ZNF346: variants seen among roughly 807,000 people sequenced by gnomAD.
ZNF346 encodes the protein double-stranded RNA-binding zinc finger protein JAZ.
In ZNF346, 23 loss-of-function variants were observed where a neutral mutation model predicts 33.7. The ratio of observed to expected loss-of-function variants is 0.68; its 90% CI spans 0.49 to 0.97. ZNF346 has a LOEUF of 0.97. Ranked by LOEUF, ZNF346 falls within the 50% of genes least tolerant of loss-of-function variation. The probability of loss-of-function intolerance (pLI) is 0.00; values close to 1 mark genes in which losing one functional copy is unlikely to be tolerated. For synonymous variants in ZNF346, 134 were observed against 142.4 expected, an observed-to-expected ratio of 0.94 and a Z score of 0.42; for missense variants, 340 against 371.1, an observed-to-expected ratio of 0.92 and a Z score of 0.69.
At chr5:177,044,111 T>TG (rs1287099816) in intron 3 of ZNF346, among the ~76,000 whole-genome samples, 5 of 152,024 alleles carry the variant, frequency 3.3e-5, no homozygotes, top group African/African-American at 1.2e-4. Context: ...AATTGGGTCT[T>TG]GAAGGCTAAG....
chr5:177,031,206 G>A (rs1777644062), intron 1 of ZNF346, among the ~76,000 whole-genome samples: 1 of 152,022 alleles, frequency 6.6e-6, no homozygotes. Context: ...AGCTAATTTT[G>A]TATTTTTAGT....
In ZNF346 at chr5:177,042,612, A is replaced by G. The variant is rs1779483177; in HGVS notation, c.372+742A>G. Among the ~76,000 whole-genome samples, 5 of 152,184 alleles carry G rather than the reference A, an allele frequency of 3.3e-5. No homozygotes were observed. The South Asian group carries it at 8.3e-4, about 25-fold the overall frequency. ...TTTACTCTATAGACTGCTACCTCCT[A>G]TTATAGTAGCCACAGGTCAGGAAGG... On this transcript the variant is annotated intron_variant, in intron 3 of 6. Transcript: ENST00000358149.
chr5:177,070,063 CACT>C (rs1305132312), downstream of ZNF346, among the ~76,000 whole-genome samples: 3 of 152,168 alleles, frequency 2.0e-5, no homozygotes, highest in Non-Finnish European at 4.4e-5. Context: ...TACACATGTT[CACT>C]CATCTACTCA....
At chr5:177,023,147 T>C (rs1174963699) in intron 1 of ZNF346, 2 of 1,527,788 alleles carry the variant, frequency 1.3e-6, no homozygotes, top group Admixed American at 3.9e-5. Flanking sequence ...TCCTCCTTCA[T>C]CATTCACTAC....
At chr5:177,073,579 C>T (rs531762186) in intron 8 of ZNF346, among the ~76,000 whole-genome samples, 2 of 152,322 alleles carry the variant, frequency 1.3e-5, no homozygotes, top group Admixed American at 1.3e-4. Context: ...GCTGGGATTG[C>T]AGACGTGAGC....
At chr5:177,076,846 T>G (rs1026568764) in intron 8 of ZNF346, among the ~76,000 whole-genome samples, 9 of 151,966 alleles carry the variant, frequency 5.9e-5, no homozygotes, top group African/African-American at 2.2e-4. Flanking sequence ...TTTGAGACCA[T>G]CCTGGCCAAT....
chr5:177,038,530 T>A (rs959825056), intron 1 of ZNF346, among the ~76,000 whole-genome samples: 1 of 151,484 alleles, frequency 6.6e-6, no homozygotes, highest in Non-Finnish European at 1.5e-5. Flanking sequence ...TTATACCCCA[T>A]CTTCTTTGTT....
chr5:177,031,998 CTTTTTTTTTT>C lies in ZNF346; in HGVS notation c.175+9102_176-9102del, dbSNP rs34021834. On this transcript the variant is annotated intron_variant, in intron 1 of 6. Coordinates refer to ENST00000358149, the MANE Select transcript of ZNF346 (RefSeq NM_012279.4). ...GCTTTCTTCATGCCTTTTCTTTTTT[CTTTTTTTTTT>C]TTTTTTTTTTTTTTTTGAGATGGAT... Among the ~76,000 whole-genome samples, 12 of 67,846 alleles carry C rather than the reference CTTTTTTTTTT, an allele frequency of 1.8e-4. No individual in the cohort carries two copies. In the South Asian group the frequency reaches 2.0e-3, roughly 11 times the overall value. The allele number at this position is 67,846 out of a possible 152,430, so 44.5% of individuals were successfully genotyped here.
At chr5:177,051,526 C>T (rs10476215) in intron 5 of ZNF346, among the ~76,000 whole-genome samples, 19,560 of 149,254 alleles carry the variant, frequency 0.13, 2,944 homozygotes, top group African/African-American at 0.37. Flanking sequence ...ATAGAAATCC[C>T]TCTGTTTTTG....
In ZNF346 at chr5:177,039,501, G is replaced by A. The variant is rs73343941; in HGVS notation, c.176-1625G>A. Among the ~76,000 whole-genome samples the A allele has an allele frequency of 7.1e-3, 1,070 of 151,490 alleles. 10 individuals carry two copies. Among genetic ancestry groups the A allele is most frequent in the African/African-American group, 0.024 (985 of 41,226 alleles). On this transcript the variant is annotated intron_variant, in intron 1 of 6. Coordinates refer to ENST00000358149, the MANE Select transcript of ZNF346 (RefSeq NM_012279.4). Reference sequence around the variant, plus strand: ...GGCTTGCTCTGTTATCCAGGCTGGAGTACAGTGGCACTAACATGGCTTGCC... The same window carrying A: ...GGCTTGCTCTGTTATCCAGGCTGGAATACAGTGGCACTAACATGGCTTGCC...
chr5:177,028,627 G>C (rs1411005015), intron 1 of ZNF346, among the ~76,000 whole-genome samples: 2 of 144,162 alleles, frequency 1.4e-5, no homozygotes, highest in African/African-American at 5.1e-5. Context: ...TTTTGTCCTT[G>C]CTTCCTGAAA....
downstream of ZNF346, among the ~76,000 whole-genome samples, chr5:177,071,074 G>A (rs1783476268): frequency 6.6e-6 from 1 of 152,210 alleles, no homozygotes; most frequent in Non-Finnish European, 1.5e-5. Context: ...AGCAGCCAAT[G>A]AGGGGTGGCA....
At position 177,041,165 on chromosome 5, in the gene ZNF346, A is replaced by G. The variant is rs946267674; in HGVS notation, c.215A>G (p.Asn72Ser). Residue 72 changes from asparagine (N) to serine (S), a missense_variant, in exon 2 of 7, where the codon AAC becomes AGC. Physicochemically the swap from Asn to Ser is conservative, Grantham distance 46. Coordinates refer to ENST00000358149, the MANE Select transcript of ZNF346 (RefSeq NM_012279.4). ...MIQKNQCLFT[N>S]TQCKVCCALL... ...CAGAAGAACCAATGTCTCTTCACCA[A>G]CACCCAGTGTAAGGTTTGCTGCGCC... 4 of 1,614,088 alleles carry G rather than the reference A, an allele frequency of 2.5e-6. No homozygotes were observed. The African/African-American group carries it at 5.3e-5, about 22-fold the overall frequency.
At chr5:177,056,881 T>A (rs1781755760) in intron 5 of ZNF346, among the ~76,000 whole-genome samples, 1 of 152,190 alleles carries the variant, frequency 6.6e-6, no homozygotes, top group Non-Finnish European at 1.5e-5. Flanking sequence ...AACCTGCACG[T>A]TGTGCACATG....
chr5:177,060,453 G>A (rs148621716), intron 5 of ZNF346, among the ~76,000 whole-genome samples: 1,752 of 152,148 alleles, frequency 0.012, 10 homozygotes, highest in South Asian at 0.025. Context: ...CCCAGGAGGC[G>A]GAGGTGCCTC....
intron 1 of ZNF346, among the ~76,000 whole-genome samples, chr5:177,036,547 G>C (rs1348349019): frequency 6.6e-6 from 1 of 152,072 alleles, no homozygotes; most frequent in African/African-American, 2.4e-5. Flanking sequence ...TTTTGTGTGT[G>C]TACGCAGCCT....
intron 4 of ZNF346, 49 bp from the exon 5 acceptor site, chr5:177,050,702 G>C (rs1780741755): frequency 1.9e-6 from 3 of 1,610,742 alleles, no homozygotes; most frequent in Non-Finnish European, 2.5e-6. Flanking sequence ...TCTCACTGCA[G>C]CTCTGTCAAA....
At chr5:177,044,574 C>A in intron 4 of ZNF346, 41 bp downstream of exon 4, 1 of 1,607,068 alleles carries the variant, frequency 6.2e-7, no homozygotes. Flanking sequence ...GGACCCCTGC[C>A]GTCCTCAGGG....
chr5:177,054,027 T>C (rs1330265748), intron 5 of ZNF346, among the ~76,000 whole-genome samples: 6 of 151,966 alleles, frequency 3.9e-5, no homozygotes, highest in Non-Finnish European at 8.8e-5. Flanking sequence ...ATCATGCTAC[T>C]CAGAATAGCC....
Sources: allele counts gnomAD v4.1 joint callset (sites outside exome capture counted in the v4.1 genomes callset), GRCh38; gene constraint gnomAD v4.1.1; transcripts MANE v1.5; gene names NCBI Gene and HGNC (gene_info 2026-07-23, HGNC 2026-07-21).